The following ACSS3 variants were observed in gnomAD, a reference collection of about 807,000 sequenced individuals.
ACSS3 encodes acyl-CoA synthetase short chain family member 3, also known as acyl-CoA synthetase short-chain family member 3, mitochondrial.
Under a neutral mutation model 84.2 loss-of-function variants are expected in ACSS3, and 64 were observed. The observed-to-expected ratio is 0.76, with a 90% CI of 0.62 to 0.94. The LOEUF (loss-of-function observed/expected upper bound fraction) is 0.94. Ranked by LOEUF, ACSS3 falls within the 40% of genes least tolerant of loss-of-function variation. The pLI, the probability that ACSS3 is intolerant of heterozygous loss-of-function variation, is 0.00. For synonymous variants in ACSS3, 317 were observed against 310.1 expected, an observed-to-expected ratio of 1.02 and a Z score of -0.23; for missense variants, 815 against 867.6, an observed-to-expected ratio of 0.94 and a Z score of 0.76.
At chr12:81,170,834 G>A (rs911437992) in intron 7 of ACSS3, among the ~76,000 whole-genome samples, 2 of 152,070 alleles carry the variant, frequency 1.3e-5, no homozygotes, top group African/African-American at 4.8e-5. Flanking sequence ...ATTGTGAAGA[G>A]ATTTTATTGC....
intron 1 of ACSS3, among the ~76,000 whole-genome samples, chr12:81,088,292 TA>T (rs1181679971): frequency 2.6e-5 from 4 of 152,204 alleles, no homozygotes; most frequent in Admixed American, 6.5e-5. Context: ...AATAAACATT[TA>T]TTTTTGCAAG....
rs2031998010 is a variant in ACSS3 at position 81,199,442 on chromosome 12, C to G, written c.1352C>G (p.Thr451Ser). 2.5e-6 allele frequency: 4 copies of G among 1,611,222 alleles called. No homozygotes were observed. The highest frequency in any genetic ancestry group is 2.5e-6 in the Non-Finnish European group (3 of 1,178,230). ...RVPVLDHWWQ[T>S]ETGSPITASC... ...CCTGTCTTAGACCATTGGTGGCAAA[C>G]TGGTAAGCATTTTCCTAGCATGTAC... is the stretch of plus-strand genomic sequence containing the variant. Residue 451 changes from threonine to serine, a missense_variant and splice_region_variant, in exon 9 of 16, where the codon ACT becomes AGT. Physicochemically the swap from Thr to Ser is moderately conservative, Grantham distance 58. Transcript: ENST00000548058.
At chr12:81,144,085 G>A (rs769057) in intron 5 of ACSS3, among the ~76,000 whole-genome samples, 132,235 of 152,158 alleles carry the variant, frequency 0.87, 59,000 homozygotes, top group Non-Finnish European at 0.97. Context: ...CTGTTAGATT[G>A]CTATAGCATC....
chr12:81,187,204 A>G (rs2031314968), intron 8 of ACSS3, among the ~76,000 whole-genome samples: 1 of 151,826 alleles, frequency 6.6e-6, no homozygotes, highest in South Asian at 2.1e-4. Context: ...GGTTACCAGG[A>G]TTGGAAGAAA....
chr12:81,130,736 TCTTGTAGG>T (rs1255943756), intron 2 of ACSS3, among the ~76,000 whole-genome samples: 1 of 152,226 alleles, frequency 6.6e-6, no homozygotes, highest in Non-Finnish European at 1.5e-5. Context: ...ACCTAGGTTT[TCTTGTAGG>T]GTTTTTATGG....
intron 4 of ACSS3, among the ~76,000 whole-genome samples, chr12:81,139,529 C>T (rs1294350079): frequency 6.6e-6 from 1 of 150,508 alleles, no homozygotes; most frequent in African/African-American, 2.4e-5. Context: ...TTTATTAGCT[C>T]AGATTATATT....
Position 81,174,887 on chromosome 12 carries a change from A to T in ACSS3, c.1198A>T (p.Ile400Phe). 6.2e-7 allele frequency: 1 copy of T among 1,614,026 alleles called. No homozygotes were observed. Among genetic ancestry groups the T allele is most frequent in the Non-Finnish European group, 8.5e-7 (1 of 1,179,928 alleles). ...LFTAPTAIRA[I>F]RQQDPGAALG... Reference sequence around the variant, plus strand: ...TACAGCACCAACTGCAATTAGAGCAATCCGTCAACAGGACCCTGGGGCAGC... The same window carrying T: ...TACAGCACCAACTGCAATTAGAGCATTCCGTCAACAGGACCCTGGGGCAGC... The change falls in exon 8 of 16, where the codon ATC becomes TTC. Residue 400 changes from isoleucine to phenylalanine, a missense_variant. Ile to Phe is a conservative substitution (Grantham distance 21, BLOSUM62 0). Coordinates refer to ENST00000548058, the MANE Select transcript of ACSS3 (RefSeq NM_024560.4).
In ACSS3 at chr12:81,078,130, T is replaced by A; in HGVS notation, c.10T>A (p.Ser4Thr). The A allele has an allele frequency of 6.7e-7, 1 of 1,485,016 alleles. No homozygotes were observed. The highest frequency in any genetic ancestry group is 1.8e-4 in the Middle Eastern group (1 of 5,446). 92.0% of individuals were successfully genotyped at this position (1,485,016 alleles called of 1,614,324 possible). A position where few individuals can be genotyped will look rare whatever the true frequency, so the allele number is the denominator to read the frequency against. MKP[S>T]WLQCRKVTSA... ...CGGGTGGCCGGAGGAGATGAAACCG[T>A]CTTGGCTGCAGTGTCGTAAAGTCAC... The change falls in exon 1 of 16, where the codon TCT (serine) becomes ACT (threonine). Residue 4 changes from serine to threonine, a missense_variant. By Grantham distance (58) the Ser-to-Thr change is moderately conservative. Transcript: ENST00000548058.
chr12:81,120,325 GA>G (rs1355808819), intron 2 of ACSS3, among the ~76,000 whole-genome samples: 3 of 151,814 alleles, frequency 2.0e-5, no homozygotes, highest in African/African-American at 2.4e-5. Flanking sequence ...AATAGAAGAA[GA>G]AAAAAAATGT....
chr12:81,142,859 A>G (rs1346188282), intron 4 of ACSS3, among the ~76,000 whole-genome samples: 1 of 152,236 alleles, frequency 6.6e-6, no homozygotes, highest in African/African-American at 2.4e-5. Flanking sequence ...TCTAAAGGAT[A>G]TCTCTAGATT....
Position 81,256,769 on chromosome 12 carries a change from A to G in ACSS3, c.*1847A>G, listed in dbSNP as rs1268529299. On this transcript the variant is annotated 3_prime_UTR_variant, in exon 16 of 16. Transcript: ENST00000548058. ...GGCTTCTCAAAGTAAATTCCTATTT[A>G]CTTAAATTGCCTTCTTGATTGTTAC... is the stretch of plus-strand genomic sequence containing the variant. 2.6e-5 allele frequency: 4 copies of G among 152,178 alleles called. No individual in the cohort carries two copies. In the East Asian group the frequency reaches 7.7e-4, roughly 29 times the overall value. 9.4% of individuals were successfully genotyped at this position (152,178 alleles called of 1,614,324 possible). A position where few individuals can be genotyped will look rare whatever the true frequency, so the allele number is the denominator to read the frequency against.
chr12:81,191,203 A>G (rs913251939), intron 8 of ACSS3, among the ~76,000 whole-genome samples: 3 of 152,100 alleles, frequency 2.0e-5, no homozygotes, highest in Non-Finnish European at 4.4e-5. Flanking sequence ...TCCAGAATCC[A>G]TAATTTAAAT....
chr12:81,241,933 A>T (rs539636245), intron 13 of ACSS3, among the ~76,000 whole-genome samples: 79 of 152,200 alleles, frequency 5.2e-4, no homozygotes, highest in East Asian at 3.5e-3. Flanking sequence ...CTGAATGGTA[A>T]TGCCTAGGTT....
Position 81,210,641 on chromosome 12 carries a change from T to C in ACSS3, c.1355-6260T>C, listed in dbSNP as rs527517982. The stretch of plus-strand genomic sequence containing the variant: ...TCTGGAATTTTACATTACCCATCTC[T>C]TTTGTTTCTTCTGAGCTGCAGTCAG... On this transcript the variant is annotated intron_variant, in intron 9 of 15. Transcript: ENST00000548058. 2.0e-5 allele frequency among the ~76,000 whole-genome samples: 3 copies of C among 152,292 alleles called. No homozygotes were observed. In the East Asian group the frequency reaches 5.8e-4, roughly 29 times the overall value.
At chr12:81,194,638 A>G (rs945120737) in intron 8 of ACSS3, among the ~76,000 whole-genome samples, 5 of 152,002 alleles carry the variant, frequency 3.3e-5, no homozygotes, top group African/African-American at 4.8e-5. Context: ...TAGTGCCAGC[A>G]TGACGATTGC....
At chr12:81,171,313 A>C (rs2030027560) in intron 7 of ACSS3, among the ~76,000 whole-genome samples, 1 of 152,116 alleles carries the variant, frequency 6.6e-6, no homozygotes, top group African/African-American at 2.4e-5. Flanking sequence ...TCAGGGCTTA[A>C]TATATATGTT....
intron 1 of ACSS3, among the ~76,000 whole-genome samples, chr12:81,087,389 A>T (rs1222311016): frequency 6.6e-6 from 1 of 152,048 alleles, no homozygotes; most frequent in Non-Finnish European, 1.5e-5. Context: ...ATGAAGAAGA[A>T]GGAGCAGGAG....
chr12:81,194,614 A>G (rs192729189), intron 8 of ACSS3, among the ~76,000 whole-genome samples: 5 of 151,994 alleles, frequency 3.3e-5, no homozygotes, highest in African/African-American at 1.2e-4. Flanking sequence ...GTAATATTGT[A>G]CCTTTCAATT....
intron 2 of ACSS3, among the ~76,000 whole-genome samples, chr12:81,129,315 A>G (rs550179614): frequency 1.4e-5 from 2 of 141,312 alleles, no homozygotes; most frequent in Non-Finnish European, 3.1e-5. Context: ...GGTAAAAAAT[A>G]TATTTTAAAC....
Sources: allele counts gnomAD v4.1 joint callset (sites outside exome capture counted in the v4.1 genomes callset), GRCh38; gene constraint gnomAD v4.1.1; transcripts MANE v1.5; gene names NCBI Gene and HGNC (gene_info 2026-07-23, HGNC 2026-07-21).